The following GPM6A variants were observed in gnomAD, a reference collection of about 807,000 sequenced individuals.
GPM6A encodes the protein glycoprotein M6A, also known as neuronal membrane glycoprotein M6-a.
Under a neutral mutation model 32.1 loss-of-function variants are expected in GPM6A, and 7 were observed. The observed-to-expected ratio is 0.22, with a 90% confidence interval of 0.12 to 0.41. GPM6A has a LOEUF of 0.41. GPM6A is among the 10% of genes least tolerant of loss of function. GPM6A has a pLI of 1.00. For missense variants in GPM6A, 235 were observed against 347.2 expected (o/e 0.68, Z 2.57); for synonymous variants, 130 against 123.4 (o/e 1.05, Z -0.35).
chr4:175,698,517 C>T (rs1579398168), intron 2 of GPM6A, among the ~76,000 whole-genome samples: 1 of 152,220 alleles, frequency 6.6e-6, no homozygotes, highest in East Asian at 1.9e-4. Flanking sequence ...GTAAGGCAGC[C>T]CTGCATAGCG....
intron 1 of GPM6A, among the ~76,000 whole-genome samples, chr4:175,864,999 C>T (rs140473550): frequency 0.023 from 3,556 of 152,032 alleles, 107 homozygotes; most frequent in African/African-American, 0.073. Flanking sequence ...TTAGTAGAGG[C>T]AGGGTTTCAC....
chr4:175,651,029 T>G (rs1236673882), intron 4 of GPM6A, among the ~76,000 whole-genome samples: 1 of 152,172 alleles, frequency 6.6e-6, no homozygotes, highest in African/African-American at 2.4e-5. Context: ...AGTACTAAGT[T>G]TTAATATGAA....
intron 4 of GPM6A, among the ~76,000 whole-genome samples, chr4:175,650,597 G>A (rs745958074): frequency 4.3e-4 from 65 of 152,098 alleles, no homozygotes; most frequent in Admixed American, 3.1e-3. Context: ...GAGTCACCAC[G>A]CCCCACCTGA....
chr4:175,929,927 T>C (rs532189108), intron 1 of GPM6A, among the ~76,000 whole-genome samples: 4 of 152,294 alleles, frequency 2.6e-5, no homozygotes, highest in African/African-American at 9.6e-5. Flanking sequence ...TGTACCTGTC[T>C]TGGGACTATT....
intron 1 of GPM6A, among the ~76,000 whole-genome samples, chr4:175,879,725 A>G (rs1451193000): frequency 2.0e-5 from 3 of 152,140 alleles, no homozygotes; most frequent in Non-Finnish European, 2.9e-5. Flanking sequence ...AGTAGGCAAA[A>G]TGGCCTTCTT....
chr4:175,894,118 C>T (rs949946710), intron 1 of GPM6A, among the ~76,000 whole-genome samples: 6 of 152,092 alleles, frequency 3.9e-5, no homozygotes, highest in African/African-American at 7.2e-5. Context: ...TTCACAAGTG[C>T]TTTATCCACC....
chr4:175,704,400 G>C (rs1333645516), intron 1 of GPM6A, among the ~76,000 whole-genome samples: 2 of 151,958 alleles, frequency 1.3e-5, no homozygotes, highest in Non-Finnish European at 2.9e-5. Flanking sequence ...GAAAAGGTTA[G>C]AACAGCTTGA....
intron 1 of GPM6A, among the ~76,000 whole-genome samples, chr4:175,811,680 T>C (rs1056301577): frequency 6.6e-6 from 1 of 152,258 alleles, no homozygotes; most frequent in Non-Finnish European, 1.5e-5. Flanking sequence ...CTTAAACCTA[T>C]ATTGCATCCT....
chr4:175,637,129 A>C (rs868426288), intron 6 of GPM6A, among the ~76,000 whole-genome samples: 1 of 93,484 alleles, frequency 1.1e-5, no homozygotes, highest in Non-Finnish European at 1.9e-5. Context: ...TATAATATAT[A>C]ATATATTATA....
At chr4:175,679,514 C>T (rs1372185349) in intron 2 of GPM6A, among the ~76,000 whole-genome samples, 2 of 152,118 alleles carry the variant, frequency 1.3e-5, no homozygotes, top group Non-Finnish European at 2.9e-5. Flanking sequence ...AAACATCTTG[C>T]TCCCGGTCAA....
chr4:175,724,769 C>T (rs547815498), intron 1 of GPM6A, among the ~76,000 whole-genome samples: 27 of 152,056 alleles, frequency 1.8e-4, no homozygotes, highest in East Asian at 3.9e-4. Flanking sequence ...CTCTAAAACC[C>T]GCAGTAGCTT....
chr4:175,987,600 C>A (rs116477260), intron 1 of GPM6A, among the ~76,000 whole-genome samples: 3 of 151,396 alleles, frequency 2.0e-5, no homozygotes, highest in Non-Finnish European at 2.9e-5. Context: ...CTTTGTTAAG[C>A]TATTTGACTT....
At chr4:175,790,962 G>A (rs1436018495) in intron 1 of GPM6A, among the ~76,000 whole-genome samples, 1 of 152,066 alleles carries the variant, frequency 6.6e-6, no homozygotes, top group East Asian at 1.9e-4. Context: ...TACAATTAAA[G>A]TTTGCTTTAA....
At chr4:176,002,167 G>A (rs1305348973) in intron 1 of GPM6A, 2 of 924,594 alleles carry the variant, frequency 2.2e-6, no homozygotes, top group Non-Finnish European at 3.5e-6. Flanking sequence ...AAGAGGGCGG[G>A]GGGCGGGGGA....
At position 175,638,695 on chromosome 4, in the gene GPM6A, T is replaced by C. The variant is rs566974887; in HGVS notation, c.684+1434A>G. On this transcript the variant is annotated intron_variant, in intron 6 of 6. Coordinates refer to ENST00000393658, the MANE Select transcript of GPM6A (RefSeq NM_201591.3). ...TGTAGCAAATGCAAACAAATATTTA[T>C]TATAGTCCACTTTTTAAAAGATACC... Among the ~76,000 whole-genome samples, 130 of 152,208 alleles carry C rather than the reference T, an allele frequency of 8.5e-4. 1 individual carries two copies. Among genetic ancestry groups the C allele is most frequent in the African/African-American group, 3.0e-3 (123 of 41,544 alleles).
chr4:175,911,669 A>G (rs966613055), intron 1 of GPM6A, among the ~76,000 whole-genome samples: 4 of 152,250 alleles, frequency 2.6e-5, no homozygotes, highest in African/African-American at 9.6e-5. Flanking sequence ...ATTGAAAATC[A>G]GGAGATATTC....
intron 3 of GPM6A, among the ~76,000 whole-genome samples, chr4:175,670,861 A>ATTTTT (rs33998725): frequency 0.026 from 3,262 of 124,068 alleles, 73 homozygotes; most frequent in Non-Finnish European, 0.037. Context: ...ATGTTGCTTC[A>ATTTTT]TTTTTTTTTT....
chr4:175,938,029 T>C (rs1467732788), intron 1 of GPM6A, among the ~76,000 whole-genome samples: 1 of 152,162 alleles, frequency 6.6e-6, no homozygotes, highest in African/African-American at 2.4e-5. Context: ...TACATAGAGT[T>C]TGAGTGTTAA....
chr4:175,712,217 G>GTTAA (rs1255234719), intron 1 of GPM6A, among the ~76,000 whole-genome samples: 1 of 152,180 alleles, frequency 6.6e-6, no homozygotes, highest in Non-Finnish European at 1.5e-5. Context: ...GTTTCCTAGA[G>GTTAA]TTAAGGGCAT....
Sources: allele counts gnomAD v4.1 joint callset (sites outside exome capture counted in the v4.1 genomes callset), GRCh38; gene constraint gnomAD v4.1.1; transcripts MANE v1.5; gene names NCBI Gene and HGNC (gene_info 2026-07-23, HGNC 2026-07-21).